The following CIP2A variants were observed in gnomAD, a reference collection of about 807,000 sequenced individuals.
CIP2A encodes cellular inhibitor of PP2A.
CIP2A carries 103 observed loss-of-function variants against 110.9 expected under a neutral mutation model. That is an observed-to-expected ratio of 0.93 (90% confidence interval 0.79 to 1.09). The LOEUF (loss-of-function observed/expected upper bound fraction) is 1.09, where lower values mean the gene tolerates loss of function less well. Among genes scored for constraint, CIP2A ranks in the 50% least tolerant of loss-of-function variants. CIP2A has a pLI of 0.00. For missense variants in CIP2A, 1,088 were observed against 1,038.4 expected, an observed-to-expected ratio of 1.05 and a Z score of -0.66; for synonymous variants, 381 against 361.6, an observed-to-expected ratio of 1.05 and a Z score of -0.61.
intron 10 of CIP2A, 61 bp from the exon 11 acceptor site, chr3:108,566,699 T>A: frequency 9.4e-7 from 1 of 1,063,116 alleles, no homozygotes; most frequent in Non-Finnish European, 1.3e-6. Context: ...AAGATAACAT[T>A]CAGGATGATT....
intron 8 of CIP2A, 42 bp downstream of exon 8, chr3:108,576,229 C>A: frequency 8.0e-7 from 1 of 1,253,734 alleles, no homozygotes; most frequent in African/African-American, 1.6e-5. Context: ...CGGCATTTTG[C>A]AGTTTTTAAA....
intron 20 of CIP2A, 40 bp downstream of exon 20, chr3:108,552,191 CTTT>C (rs1937609972): frequency 1.3e-6 from 2 of 1,504,178 alleles, no homozygotes; most frequent in Admixed American, 4.8e-5. Context: ...TCACAACAGA[CTTT>C]TTTATTTTAC....
chr3:108,577,244 G>C (rs1050596947), intron 7 of CIP2A, among the ~76,000 whole-genome samples: 1 of 152,102 alleles, frequency 6.6e-6, no homozygotes, highest in African/African-American at 2.4e-5. Context: ...CTGAGAATCT[G>C]GATATTCACC....
At chr3:108,575,017 A>C (rs1938522417) in intron 8 of CIP2A, 1 of 152,352 alleles carries the variant, frequency 6.6e-6, no homozygotes, top group Non-Finnish European at 1.5e-5. Context: ...GGTCAAAAAC[A>C]TCCACAAATG....
At chr3:108,571,931 T>C (rs1385063880) in intron 8 of CIP2A, among the ~76,000 whole-genome samples, 1 of 152,146 alleles carries the variant, frequency 6.6e-6, no homozygotes, top group East Asian at 1.9e-4. Context: ...TGTCAGATGG[T>C]ATGATACTAC....
At chr3:108,585,933 G>C (rs1939028359) in intron 1 of CIP2A, among the ~76,000 whole-genome samples, 1 of 151,810 alleles carries the variant, frequency 6.6e-6, no homozygotes, top group Non-Finnish European at 1.5e-5. Flanking sequence ...GAGTGAAAGA[G>C]AGAAGAGAGG....
Position 108,589,411 on chromosome 3 carries a change from G to C in CIP2A, c.-36C>G, listed in dbSNP as rs756436245. On this transcript the variant is annotated 5_prime_UTR_variant, in exon 1 of 21. Coordinates refer to ENST00000295746, the MANE Select transcript of CIP2A (RefSeq NM_020890.3). ...GCGGCCCGGCTTAGGGACCACCACCGCCCAGCGTGCGCCGGCCTTTAGCTT... is the reference window on the plus strand; with the variant it reads ...GCGGCCCGGCTTAGGGACCACCACCCCCCAGCGTGCGCCGGCCTTTAGCTT... The C allele has an allele frequency of 1.4e-6, 2 of 1,470,216 alleles. No homozygotes were observed. Among genetic ancestry groups the C allele is most frequent in the South Asian group, 1.2e-5 (1 of 84,932 alleles). The allele number at this position is 1,470,216 out of a possible 1,614,324, so 91.1% of individuals were successfully genotyped here. A position where few individuals can be genotyped will look rare whatever the true frequency, so the allele number is the denominator to read the frequency against.
rs151164132 is a variant in CIP2A at position 108,557,360 on chromosome 3, T to A, written c.2068A>T (p.Ser690Cys). 2.1e-4 allele frequency: 333 copies of A among 1,610,454 alleles called. No individual in the cohort carries two copies. The African/African-American group carries it at 4.3e-3, about 21-fold the overall frequency. ...ACTTGCTGCGCCTTCAGCAACACAC[T>A]AAGCTCTTCATTTTTTCTCTCAACT... The part of the protein sequence containing the change: ...REVERKNEEL[S>C]VLLKAQQVES... Residue 690 changes from serine (S) to cysteine (C), a missense_variant, in exon 17 of 21, where the codon AGT (serine) becomes TGT (cysteine). By Grantham distance (112) the Ser-to-Cys change is moderately radical. Coordinates refer to ENST00000295746, the MANE Select transcript of CIP2A (RefSeq NM_020890.3).
At chr3:108,564,107 G>T (rs550602929) in intron 12 of CIP2A, among the ~76,000 whole-genome samples, 6 of 152,136 alleles carry the variant, frequency 3.9e-5, no homozygotes, top group African/African-American at 1.4e-4. Flanking sequence ...TGAGTACCTT[G>T]TAGGTACTTG....
Position 108,553,645 on chromosome 3 carries a change from T to G in CIP2A, c.2407+3A>C. 1 of 1,555,854 alleles carries G rather than the reference T, an allele frequency of 6.4e-7. No homozygotes were observed. Among genetic ancestry groups the G allele is most frequent in the Non-Finnish European group, 8.8e-7 (1 of 1,133,234 alleles). On this transcript the variant is annotated splice_donor_region_variant and intron_variant, in intron 19 of 20. Coordinates refer to ENST00000295746, the MANE Select transcript of CIP2A (RefSeq NM_020890.3). ...AAAATGTATTAAATAAGAAGCCACT[T>G]ACTTGCTAGCTTATGTTCTCTGTCT...
In CIP2A at chr3:108,557,219, T is replaced by C. The variant is rs754151201; in HGVS notation, c.2209A>G (p.Arg737Gly). 58 of 1,575,270 alleles carry C rather than the reference T, an allele frequency of 3.7e-5. No homozygotes were observed. Among genetic ancestry groups the C allele is most frequent in the Non-Finnish European group, 4.8e-5 (55 of 1,152,164 alleles). ...LTKSYMELLQ[R>G]NESTEKKNKD... is the part of the protein sequence containing the mutation. ...CACAGAAGATTTTACTTTATTTACC[T>C]CTGAAGAAGTTCCATGTAGGATTTT... The change falls in exon 17 of 21, where the codon AGA becomes GGA. Residue 737 changes from arginine (R) to glycine (G), a missense_variant and splice_region_variant. Physicochemically the swap from Arg to Gly is moderately radical, Grantham distance 125. Transcript: ENST00000295746.
chr3:108,560,862 G>C, intron 13 of CIP2A, 21 bp from the exon 14 acceptor site: 1 of 1,483,200 alleles, frequency 6.7e-7, no homozygotes, highest in Non-Finnish European at 9.0e-7. Flanking sequence ...GTCAAAGAAA[G>C]GAAAAAAAAA....
At chr3:108,553,761 A>T (rs756510345) in intron 18 of CIP2A, 31 bp from the exon 19 acceptor site, 2 of 1,514,710 alleles carry the variant, frequency 1.3e-6, no homozygotes, top group South Asian at 2.3e-5. Flanking sequence ...AGAAGAAAAC[A>T]TTAATGAACC....
intron 16 of CIP2A, 31 bp from the exon 17 acceptor site, chr3:108,557,445 A>C: frequency 6.7e-7 from 1 of 1,498,818 alleles, no homozygotes; most frequent in Non-Finnish European, 9.1e-7. Context: ...AGACTTTACC[A>C]CTATCATCTA....
chr3:108,584,576 G>A (rs2107371459), intron 2 of CIP2A, among the ~76,000 whole-genome samples: 1 of 152,248 alleles, frequency 6.6e-6, no homozygotes. Context: ...CACTTCGAAT[G>A]CTTAATAGCT....
chr3:108,566,379 G>T, intron 11 of CIP2A, 118 bp downstream of exon 11: 2 of 695,074 alleles, frequency 2.9e-6, no homozygotes, highest in Non-Finnish European at 4.7e-6. Context: ...AAATATGTTT[G>T]TTAATCTGTT....
intron 19 of CIP2A, among the ~76,000 whole-genome samples, chr3:108,552,681 G>C (rs887586078): frequency 6.6e-6 from 1 of 152,088 alleles, no homozygotes; most frequent in Non-Finnish European, 1.5e-5. Flanking sequence ...GAACAAAAAT[G>C]TTTTTCAGGA....
At chr3:108,569,683 G>T in intron 8 of CIP2A, 76 bp from the exon 9 acceptor site, 1 of 1,051,832 alleles carries the variant, frequency 9.5e-7, no homozygotes, top group Non-Finnish European at 1.4e-6. Flanking sequence ...TGATGAAGCT[G>T]AAAATGCTAC....
intron 16 of CIP2A, among the ~76,000 whole-genome samples, chr3:108,559,166 C>T (rs1359560568): frequency 3.9e-5 from 6 of 151,988 alleles, no homozygotes. Flanking sequence ...GTGGTAGAAG[C>T]AGAGATAGGG....
Sources: gnomAD v4.1 joint callset for allele counts (sites outside exome capture counted in the v4.1 genomes callset) on GRCh38, gnomAD v4.1.1 for gene constraint, MANE v1.5 for transcripts, NCBI Gene and HGNC (gene_info 2026-07-23, HGNC 2026-07-21) for gene names.